CAMTA1: variants seen among roughly 807,000 people sequenced by gnomAD.
CAMTA1 encodes the protein calmodulin binding transcription activator 1, also known as calmodulin-binding transcription activator 1.
A neutral mutation model predicts 170.9 loss-of-function variants in CAMTA1; 27 were observed. That is an observed-to-expected ratio of 0.16 (90% CI 0.12 to 0.22). The LOEUF (loss-of-function observed/expected upper bound fraction) is 0.22. CAMTA1 is among the 10% of genes least tolerant of loss of function. The pLI, the probability that CAMTA1 is intolerant of heterozygous loss-of-function variation, is 1.00. For missense variants in CAMTA1, 1,619 were observed against 2,217.2 expected (o/e 0.73, Z 5.42); for synonymous variants, 833 against 891.5 (o/e 0.93, Z 1.17).
chr1:7,315,983 C>T (rs1204681874), intron 5 of CAMTA1, among the ~76,000 whole-genome samples: 1 of 152,146 alleles, frequency 6.6e-6, no homozygotes, highest in Non-Finnish European at 1.5e-5. Flanking sequence ...GGAAACTTAA[C>T]AATCATGGCG....
intron 1 of CAMTA1, among the ~76,000 whole-genome samples, chr1:6,803,348 A>T (rs892200464): frequency 2.6e-5 from 4 of 152,176 alleles, no homozygotes; most frequent in Non-Finnish European, 1.5e-5. Context: ...GCCTCTCTTT[A>T]AGTGTATGTG....
intron 6 of CAMTA1, among the ~76,000 whole-genome samples, chr1:7,559,236 C>T (rs1450380072): frequency 6.6e-6 from 1 of 152,194 alleles, no homozygotes; most frequent in East Asian, 1.9e-4. Flanking sequence ...GCACCCCAGA[C>T]ATGGGCCTTG....
At chr1:7,549,419 G>A (rs2150168839) in intron 6 of CAMTA1, among the ~76,000 whole-genome samples, 1 of 152,200 alleles carries the variant, frequency 6.6e-6, no homozygotes, top group South Asian at 2.1e-4. Flanking sequence ...GAACCCCTTG[G>A]CCACCTCCCT....
chr1:7,547,419 G>A lies in CAMTA1; in HGVS notation c.510+79518G>A, dbSNP rs564533727. ...TTGGCCTTCCACATTCATGAGTTTC[G>A]CATCCGTGGATTCAACCAACAACGG... is the stretch of plus-strand genomic sequence containing the variant. On this transcript the variant is annotated intron_variant, in intron 6 of 22. Transcript: ENST00000303635. The surrounding 1 kb of genome is among the most constrained non-coding windows in gnomAD (Gnocchi z 5.7). Among the ~76,000 whole-genome samples the A allele has an allele frequency of 5.6e-4, 84 of 150,328 alleles. No homozygotes were observed. The highest frequency in any genetic ancestry group is 5.3e-3 in the Admixed American group (80 of 15,114).
At chr1:7,413,707 G>C (rs61772186) in intron 5 of CAMTA1, among the ~76,000 whole-genome samples, 3 of 152,064 alleles carry the variant, frequency 2.0e-5, no homozygotes, top group African/African-American at 7.2e-5. Flanking sequence ...TGCAAACAAG[G>C]ACAATTTGAC....
chr1:6,851,181 T>C (rs139413783), intron 3 of CAMTA1, among the ~76,000 whole-genome samples: 1 of 152,222 alleles, frequency 6.6e-6, no homozygotes, highest in Non-Finnish European at 1.5e-5. Flanking sequence ...AGGTATGTAG[T>C]ATGTTTACGG....
At chr1:7,117,372 G>T (rs1644396338) in intron 4 of CAMTA1, among the ~76,000 whole-genome samples, 1 of 152,114 alleles carries the variant, frequency 6.6e-6, no homozygotes, top group Non-Finnish European at 1.5e-5. Context: ...AAACAGAGCT[G>T]ATTCTCAGTA....
At chr1:7,567,124 G>T (rs1410585789) in intron 6 of CAMTA1, among the ~76,000 whole-genome samples, 1 of 152,228 alleles carries the variant, frequency 6.6e-6, no homozygotes, top group Non-Finnish European at 1.5e-5. Flanking sequence ...TCCAGAGCAG[G>T]GGTCCGTTCC....
At chr1:7,276,294 TA>T (rs1558345287) in intron 5 of CAMTA1, among the ~76,000 whole-genome samples, 98 of 14,242 alleles carry the variant, frequency 6.9e-3, no homozygotes, top group Non-Finnish European at 0.01. Context: ...TATATATATA[TA>T]TATATATATT....
At chr1:7,541,483 G>A (rs553137321) in intron 6 of CAMTA1, among the ~76,000 whole-genome samples, 45 of 152,344 alleles carry the variant, frequency 3.0e-4, no homozygotes, top group African/African-American at 9.1e-4. Flanking sequence ...ATAAAGCAGC[G>A]CTCACAAGTA....
At chr1:7,141,959 G>A (rs892683620) in intron 4 of CAMTA1, among the ~76,000 whole-genome samples, 4 of 152,146 alleles carry the variant, frequency 2.6e-5, no homozygotes, top group African/African-American at 4.8e-5. Context: ...GACACACAGC[G>A]AGCCATGGCA....
chr1:6,946,542 C>A (rs184944743), intron 3 of CAMTA1, among the ~76,000 whole-genome samples: 6 of 152,218 alleles, frequency 3.9e-5, no homozygotes, highest in Admixed American at 3.9e-4. Context: ...GGTGGTATCT[C>A]ATTGTGGTTT....
chr1:7,496,292 CTA>C (rs1476693980), intron 6 of CAMTA1, among the ~76,000 whole-genome samples: 2 of 152,160 alleles, frequency 1.3e-5, no homozygotes, highest in African/African-American at 4.8e-5. Flanking sequence ...TAAGATGGCT[CTA>C]TGTGGGGCAC....
chr1:6,855,006 C>T (rs1246502423), intron 3 of CAMTA1, among the ~76,000 whole-genome samples: 1 of 152,002 alleles, frequency 6.6e-6, no homozygotes, highest in East Asian at 1.9e-4. Context: ...GAAGTCCTAC[C>T]TAGTTGAGTA....
chr1:7,208,131 C>T (rs372832917), intron 4 of CAMTA1, among the ~76,000 whole-genome samples: 23 of 152,342 alleles, frequency 1.5e-4, no homozygotes, highest in African/African-American at 5.0e-4. Flanking sequence ...ACCGGGCTTC[C>T]GTCAGGCAGT....
intron 5 of CAMTA1, among the ~76,000 whole-genome samples, chr1:7,252,116 T>C (rs543382659): frequency 6.6e-6 from 1 of 152,214 alleles, no homozygotes; most frequent in African/African-American, 2.4e-5. Context: ...TATACACGTC[T>C]TTTTGGGCAC....
At chr1:7,028,967 G>A (rs1426165693) in intron 3 of CAMTA1, among the ~76,000 whole-genome samples, 1 of 152,192 alleles carries the variant, frequency 6.6e-6, no homozygotes, top group Non-Finnish European at 1.5e-5. Context: ...ATTTGAAAGT[G>A]GAAAGTGTTA....
At chr1:7,508,465 A>G (rs1427318324) in intron 6 of CAMTA1, among the ~76,000 whole-genome samples, 1 of 151,710 alleles carries the variant, frequency 6.6e-6, no homozygotes, top group Admixed American at 6.5e-5. Flanking sequence ...AGACTAGCAA[A>G]GCAGGGGGCG....
At chr1:7,322,556 G>C (rs1469625695) in intron 5 of CAMTA1, among the ~76,000 whole-genome samples, 1 of 152,230 alleles carries the variant, frequency 6.6e-6, no homozygotes, top group Non-Finnish European at 1.5e-5. Flanking sequence ...ATCCCAACAA[G>C]AATTCTCAGA....
Sources: allele counts gnomAD v4.1 joint callset (sites outside exome capture counted in the v4.1 genomes callset), GRCh38; gene constraint gnomAD v4.1.1; non-coding constraint Gnocchi (gnomAD v3.1); transcripts MANE v1.5; gene names NCBI Gene and HGNC (gene_info 2026-07-23, HGNC 2026-07-21).